Variants in TIAM2 observed in about 807,000 individuals in gnomAD.
The protein encoded by TIAM2 is rho guanine nucleotide exchange factor TIAM2.
TIAM2 carries 80 observed loss-of-function variants against 152.9 expected under a neutral mutation model. That is an observed-to-expected ratio of 0.52 (90% confidence interval 0.44 to 0.63). The LOEUF (loss-of-function observed/expected upper bound fraction) is 0.63. Ranked by LOEUF, TIAM2 falls within the 30% of genes least tolerant of loss-of-function variation. The pLI is 0.00. For missense variants in TIAM2, 1,965 were observed against 2,120.1 expected, an observed-to-expected ratio of 0.93 and a Z score of 1.44; for synonymous variants, 804 against 838.0, an observed-to-expected ratio of 0.96 and a Z score of 0.70.
At chr6:155,147,214 A>T (rs1055959509) in intron 6 of TIAM2, among the ~76,000 whole-genome samples, 13 of 139,144 alleles carry the variant, frequency 9.3e-5, no homozygotes, top group Non-Finnish European at 1.8e-4. Flanking sequence ...CTGTAGATGT[A>T]ATTTTATATC....
intron 15 of TIAM2, among the ~76,000 whole-genome samples, chr6:155,229,263 G>A (rs1166624649): frequency 6.6e-6 from 1 of 152,214 alleles, no homozygotes; most frequent in East Asian, 1.9e-4. Context: ...GTAAGAAACT[G>A]CTGATGAGAT....
At chr6:155,053,739 G>A (rs1777376369) in intron 1 of TIAM2, among the ~76,000 whole-genome samples, 1 of 152,068 alleles carries the variant, frequency 6.6e-6, no homozygotes, top group South Asian at 2.1e-4. Context: ...CCAAAGTACT[G>A]GGATTACAGG....
At chr6:155,247,186 G>C (rs1284524144) in intron 19 of TIAM2, among the ~76,000 whole-genome samples, 1 of 152,228 alleles carries the variant, frequency 6.6e-6, no homozygotes, top group Non-Finnish European at 1.5e-5. Context: ...AAAAGACACT[G>C]CTTTCCAGAT....
intron 2 of TIAM2, among the ~76,000 whole-genome samples, chr6:155,118,583 C>T (rs1007811789): frequency 1.3e-5 from 2 of 151,888 alleles, no homozygotes; most frequent in African/African-American, 4.8e-5. Context: ...CAGGCGCCCG[C>T]CACCACACCC....
chr6:155,041,187 C>T (rs868377972), intron 1 of TIAM2, among the ~76,000 whole-genome samples: 1 of 152,182 alleles, frequency 6.6e-6, no homozygotes, highest in Admixed American at 6.5e-5. Flanking sequence ...ACTCATTAAG[C>T]TCCATTACCA....
intron 16 of TIAM2, among the ~76,000 whole-genome samples, chr6:155,241,140 C>G (rs1359913476): frequency 6.6e-6 from 1 of 152,156 alleles, no homozygotes; most frequent in Non-Finnish European, 1.5e-5. Context: ...TGGTTGTCAT[C>G]GTGTAGAACT....
At chr6:155,150,428 TA>T (rs948824993) in intron 7 of TIAM2, among the ~76,000 whole-genome samples, 11 of 152,074 alleles carry the variant, frequency 7.2e-5, no homozygotes, top group African/African-American at 2.7e-4. Context: ...AATATGGTGT[TA>T]AAAAGTTGTT....
At chr6:155,022,118 C>T (rs989909627) in intron 1 of TIAM2, among the ~76,000 whole-genome samples, 10 of 152,164 alleles carry the variant, frequency 6.6e-5, no homozygotes, top group African/African-American at 2.4e-4. Flanking sequence ...AATGAACTCA[C>T]TCGTCCTGAT....
chr6:155,050,467 GT>G (rs1386257002), intron 1 of TIAM2, among the ~76,000 whole-genome samples: 8 of 152,184 alleles, frequency 5.3e-5, no homozygotes, highest in Non-Finnish European at 1.0e-4. Flanking sequence ...TATGGATCAT[GT>G]CACCATCTCA....
chr6:155,023,840 C>A (rs1375134544), intron 1 of TIAM2, among the ~76,000 whole-genome samples: 2 of 152,162 alleles, frequency 1.3e-5, no homozygotes, highest in Non-Finnish European at 2.9e-5. Context: ...TTGGTTTGTA[C>A]ATTACTTAAT....
chr6:155,203,749 T>A (rs1006552696), intron 14 of TIAM2, among the ~76,000 whole-genome samples: 1 of 152,222 alleles, frequency 6.6e-6, no homozygotes, highest in Admixed American at 6.5e-5. Flanking sequence ...CCCACTGAAA[T>A]ACACTTCATT....
At chr6:155,041,448 T>G (rs1470408214) in intron 1 of TIAM2, among the ~76,000 whole-genome samples, 2 of 152,194 alleles carry the variant, frequency 1.3e-5, no homozygotes, top group African/African-American at 4.8e-5. Context: ...TTTGGCTGGC[T>G]TCATACTCAC....
chr6:155,220,128 G>A (rs997272430), intron 15 of TIAM2, among the ~76,000 whole-genome samples: 3 of 152,250 alleles, frequency 2.0e-5, no homozygotes, highest in Non-Finnish European at 4.4e-5. Context: ...AAAGTGGGCA[G>A]TGGGGCTGTT....
intron 1 of TIAM2, among the ~76,000 whole-genome samples, chr6:155,030,441 C>T (rs181759964): frequency 4.6e-5 from 7 of 152,086 alleles, no homozygotes; most frequent in Non-Finnish European, 8.8e-5. Context: ...AGATTAAGGT[C>T]GAGAAGGAGC....
chr6:155,159,374 G>A (rs1780205304), intron 7 of TIAM2, among the ~76,000 whole-genome samples: 1 of 152,180 alleles, frequency 6.6e-6, no homozygotes, highest in Non-Finnish European at 1.5e-5. Context: ...CTTCCTATGA[G>A]TCAGAAGACC....
intron 2 of TIAM2, among the ~76,000 whole-genome samples, chr6:155,117,056 A>G (rs1002335696): frequency 2.7e-5 from 4 of 145,792 alleles, no homozygotes; most frequent in Non-Finnish European, 6.1e-5. Flanking sequence ...TATATTTAAA[A>G]AAAAAAAATA....
At chr6:154,999,929 G>A (rs1167403679) in intron 1 of TIAM2, among the ~76,000 whole-genome samples, 8 of 151,714 alleles carry the variant, frequency 5.3e-5, no homozygotes, top group Admixed American at 4.6e-4. Context: ...CGCCCGCCTC[G>A]GCCTCCCAAA....
intron 7 of TIAM2, among the ~76,000 whole-genome samples, chr6:155,152,044 A>G (rs1282439252): frequency 1.3e-5 from 2 of 151,786 alleles, no homozygotes; most frequent in African/African-American, 2.4e-5. Context: ...GGGTTTCACC[A>G]TGTTGGTCAG....
chr6:155,166,729 G>C (rs1780448347), intron 9 of TIAM2, among the ~76,000 whole-genome samples: 1 of 152,168 alleles, frequency 6.6e-6, no homozygotes, highest in East Asian at 1.9e-4. Flanking sequence ...GTATTTCATG[G>C]TGCACCTGTA....
Sources: gnomAD v4.1 joint callset for allele counts (sites outside exome capture counted in the v4.1 genomes callset) on GRCh38, gnomAD v4.1.1 for gene constraint, MANE v1.5 for transcripts, NCBI Gene and HGNC (gene_info 2026-07-23, HGNC 2026-07-21) for gene names.